FYB1: variants seen among roughly 807,000 people sequenced by gnomAD.
FYB1 encodes FYN-binding protein 1.
FYB1 carries 41 observed loss-of-function variants against 94.1 expected under a neutral mutation model. The observed-to-expected ratio is 0.44, with a 90% CI of 0.34 to 0.57. FYB1 has a LOEUF of 0.57. FYB1 is among the 20% of genes least tolerant of loss of function. The pLI is 0.02. For missense variants in FYB1, 1,050 were observed against 976.8 expected (o/e 1.07, Z -1.00); for synonymous variants, 367 against 353.2 (o/e 1.04, Z -0.44).
intron 10 of FYB1, among the ~76,000 whole-genome samples, chr5:39,129,633 A>G (rs539350994): frequency 6.6e-6 from 1 of 152,174 alleles, no homozygotes; most frequent in Non-Finnish European, 1.5e-5. Context: ...ACAATCCCAT[A>G]AAAAGGTGGG....
chr5:39,221,842 C>A (rs1319584531), upstream of FYB1, among the ~76,000 whole-genome samples: 2 of 151,760 alleles, frequency 1.3e-5, no homozygotes, highest in African/African-American at 2.4e-5. Context: ...ACTAAAAAAT[C>A]CAAAAATTAG....
rs116087906 is a variant in FYB1 at position 39,240,469 on chromosome 5, C to A, written c.-28+33934G>T. On this transcript the variant is annotated intron_variant, in intron 1 of 1. Coordinates refer to the FYB1 transcript ENST00000510188. ...AAGAATCTACAAGGAATTTAAACAA[C>A]TTAACAAGCCAAAATCAATGCCATT... 6.9e-3 allele frequency among the ~76,000 whole-genome samples: 1,054 copies of A among 151,658 alleles called. 9 individuals are homozygous for A. The highest frequency in any genetic ancestry group is 0.023 in the African/African-American group (939 of 41,498).
At position 39,134,288 on chromosome 5, in the gene FYB1, G is replaced by A. The variant is rs1234340446; in HGVS notation, c.1737C>T (p.Asp579=). Residue 579 remains aspartate, a synonymous_variant, in exon 9 of 19, where the codon GAC becomes GAT. Coordinates refer to ENST00000512982, the MANE Select transcript of FYB1 (RefSeq NM_001465.6). ...TAGGTCTTGAAGGGGCACCAAGAGA[G>A]TCTTTTTTCAGTTTCAAAGAATCAT... The part of the protein sequence containing the change: ...IDYDSLKLKK[D]SLGAPSRPIE... The A allele has an allele frequency of 1.9e-6, 3 of 1,611,026 alleles. No individual in the cohort carries two copies. The highest frequency in any genetic ancestry group is 2.2e-5 in the South Asian group (2 of 91,008).
At chr5:39,240,324 G>C (rs1751149164) in intron 1 of FYB1, among the ~76,000 whole-genome samples, 1 of 152,180 alleles carries the variant, frequency 6.6e-6, no homozygotes, top group African/African-American at 2.4e-5. Context: ...TTGACAAATG[G>C]AACCTAATTA....
At chr5:39,139,064 A>C (rs1580362622) in intron 5 of FYB1, 169 bp downstream of exon 5, 1 of 690,432 alleles carries the variant, frequency 1.4e-6, no homozygotes, top group East Asian at 3.0e-5. Context: ...TGTGATGACT[A>C]GTGTGTAACA....
chr5:39,232,523 T>TTTATTTATTTATTTATTTA (rs1554042917), intron 1 of FYB1, among the ~76,000 whole-genome samples: 1 of 150,770 alleles, frequency 6.6e-6, no homozygotes, highest in African/African-American at 2.5e-5. Context: ...TAAACATTTA[T>TTTATTTATTTATTTATTTA]TTTATTTATT....
chr5:39,188,540 C>CTT (rs35086739), intron 2 of FYB1, among the ~76,000 whole-genome samples: 787 of 69,620 alleles, frequency 0.011, 49 homozygotes, highest in South Asian at 0.027. Context: ...AACTACAGCA[C>CTT]TTTTTTTTTT....
chr5:39,113,403 A>G (rs1739247958), intron 16 of FYB1, among the ~76,000 whole-genome samples: 3 of 152,080 alleles, frequency 2.0e-5, no homozygotes, highest in Non-Finnish European at 4.4e-5. Flanking sequence ...TTATTTGGAA[A>G]CCTCACATTT....
In FYB1 at chr5:39,127,742, C is replaced by A. The variant is rs138071153; in HGVS notation, c.1906G>T (p.Gly636Cys). The A allele has an allele frequency of 1.1e-4, 183 of 1,598,608 alleles. 2 individuals are homozygous for A. The East Asian group carries it at 3.9e-3, about 34-fold the overall frequency. ...DGIEEEDADD[G>C]STLQVQEKSN... ...AAGCAGTTCACTGATTATTCTTACCCATCATCAGCATCTTCCTCTTCAATC... is the reference window on the plus strand; with the variant it reads ...AAGCAGTTCACTGATTATTCTTACCAATCATCAGCATCTTCCTCTTCAATC... The change falls in exon 11 of 19, where the codon GGC becomes TGC. Residue 636 changes from glycine to cysteine, a missense_variant and splice_region_variant. Transcript: ENST00000512982.
intron 16 of FYB1, among the ~76,000 whole-genome samples, chr5:39,118,457 A>C (rs1368122798): frequency 6.6e-6 from 1 of 152,166 alleles, no homozygotes; most frequent in Non-Finnish European, 1.5e-5. Context: ...AGTGGTTCTG[A>C]CTTTAGTGTA....
chr5:39,203,723 A>G (rs1458650532), intron 1 of FYB1, among the ~76,000 whole-genome samples: 2 of 152,164 alleles, frequency 1.3e-5, no homozygotes, highest in Admixed American at 6.5e-5. Context: ...GAAGATAAGG[A>G]AGAGGTAATA....
chr5:39,252,542 G>T (rs1390239877), intron 1 of FYB1, among the ~76,000 whole-genome samples: 1 of 152,146 alleles, frequency 6.6e-6, no homozygotes, highest in African/African-American at 2.4e-5. Context: ...TTTTTAAAAA[G>T]GTCAAAGCAT....
chr5:39,189,138 T>C (rs1203728156), intron 2 of FYB1, among the ~76,000 whole-genome samples: 2 of 152,126 alleles, frequency 1.3e-5, no homozygotes, highest in African/African-American at 2.4e-5. Context: ...TAAGAGATGC[T>C]GGTTGTCTGG....
intron 15 of FYB1, 55 bp from the exon 16 acceptor site, chr5:39,119,091 A>G: frequency 7.5e-6 from 6 of 797,464 alleles, no homozygotes; most frequent in Non-Finnish European, 1.1e-5. Flanking sequence ...TATTGAAACA[A>G]CTTATTTATG....
At chr5:39,241,243 A>G (rs1020261116) in intron 1 of FYB1, among the ~76,000 whole-genome samples, 11 of 152,160 alleles carry the variant, frequency 7.2e-5, no homozygotes, top group Non-Finnish European at 1.5e-5. Flanking sequence ...TGATGAAATA[A>G]TCTGTACAAA....
In FYB1 at chr5:39,247,914, G is replaced by GTTTTGTTTTGTTTTGTTTTT. The variant is rs577689403; in HGVS notation, c.-28+26488_-28+26489insAAAAACAAAACAAAACAAAA. ...TTTTTGTTTTGTTTTGTTTTGTTTT[G>GTTTTGTTTTGTTTTGTTTTT]TTTTCAGACAATCTGCTTTCTCTTC... On this transcript the variant is annotated intron_variant, in intron 1 of 1. Transcript: ENST00000510188. Among the ~76,000 whole-genome samples, 12 of 151,784 alleles carry GTTTTGTTTTGTTTTGTTTTT rather than the reference G, an allele frequency of 7.9e-5. No individual in the cohort carries two copies. In the South Asian group the frequency reaches 1.0e-3, roughly 13 times the overall value.
At chr5:39,213,036 A>C (rs1298629662) in intron 1 of FYB1, 3 of 149,966 alleles carry the variant, frequency 2.0e-5, no homozygotes, top group East Asian at 1.9e-4. Flanking sequence ...AAAAAAAAAA[A>C]CCCAACTCTA....
chr5:39,176,409 C>G (rs191056457), intron 2 of FYB1, among the ~76,000 whole-genome samples: 400 of 152,174 alleles, frequency 2.6e-3, no homozygotes, highest in Non-Finnish European at 5.0e-3. Flanking sequence ...TTCGGCCTTC[C>G]AAAGTGCTGA....
intron 8 of FYB1, 81 bp from the exon 9 acceptor site, chr5:39,134,430 T>C: frequency 2.5e-6 from 3 of 1,209,260 alleles, no homozygotes; most frequent in Non-Finnish European, 3.4e-6. Context: ...CAATTGCACA[T>C]TTGCTCTTTA....
Sources: allele counts gnomAD v4.1 joint callset (sites outside exome capture counted in the v4.1 genomes callset), GRCh38; gene constraint gnomAD v4.1.1; transcripts MANE v1.5; gene names NCBI Gene and HGNC (gene_info 2026-07-23, HGNC 2026-07-21).